ACER2: variants seen among roughly 807,000 people sequenced by gnomAD.
ACER2 encodes the protein alkaline ceramidase 2.
Under a neutral mutation model 34.7 loss-of-function variants are expected in ACER2, and 26 were observed. The ratio of observed to expected loss-of-function variants is 0.75; its 90% confidence interval spans 0.55 to 1.04. The LOEUF is 1.04. Ranked by LOEUF, ACER2 falls within the 50% of genes least tolerant of loss-of-function variation. ACER2 has a pLI of 0.00. For synonymous variants in ACER2, 138 were observed against 132.1 expected (o/e 1.04, Z -0.31); for missense variants, 352 against 340.8 (o/e 1.03, Z -0.26).
At chr9:19,420,134 T>C (rs1423971375) in intron 1 of ACER2, among the ~76,000 whole-genome samples, 1 of 152,216 alleles carries the variant, frequency 6.6e-6, no homozygotes, top group Non-Finnish European at 1.5e-5. Flanking sequence ...TAAAGCTCTT[T>C]GGCCCTGCTC....
intron 5 of ACER2, among the ~76,000 whole-genome samples, chr9:19,447,140 C>T (rs1006110711): frequency 6.6e-6 from 1 of 152,140 alleles, no homozygotes; most frequent in Non-Finnish European, 1.5e-5. Flanking sequence ...CCAGAGTGAT[C>T]TTTCCTTTCT....
chr9:19,439,707 C>T (rs1245065020), intron 4 of ACER2, among the ~76,000 whole-genome samples: 2 of 152,190 alleles, frequency 1.3e-5, no homozygotes, highest in Non-Finnish European at 2.9e-5. Context: ...GTGGCTCATG[C>T]CTGTAATCCC....
intron 3 of ACER2, among the ~76,000 whole-genome samples, chr9:19,434,098 T>G (rs1444055012): frequency 1.0e-4 from 13 of 124,556 alleles, no homozygotes; most frequent in South Asian, 2.8e-4. Flanking sequence ...CCAGACGGGG[T>G]GGCGGCCGGG....
chr9:19,446,583 T>A (rs1831372597), intron 5 of ACER2, 165 bp downstream of exon 5: 3 of 985,320 alleles, frequency 3.0e-6, no homozygotes, highest in Non-Finnish European at 3.6e-6. Context: ...AAGCACACTT[T>A]GTAAAAAGCT....
In ACER2 at chr9:19,409,072, C is replaced by G. The variant is rs567666035; in HGVS notation, c.-13C>G. Reference sequence around the variant, plus strand: ...AGCTGCGCGAGCAGCTGCTCCAATGCCCCGGAGTGGCCATGGGCGCCCCGC... The same window carrying G: ...AGCTGCGCGAGCAGCTGCTCCAATGGCCCGGAGTGGCCATGGGCGCCCCGC... On this transcript the variant is annotated 5_prime_UTR_variant, in exon 1 of 6. Transcript: ENST00000340967. 4 of 1,568,032 alleles carry G rather than the reference C, an allele frequency of 2.6e-6. No individual in the cohort carries two copies. The highest frequency in any genetic ancestry group is 1.3e-5 in the African/African-American group (1 of 74,104).
chr9:19,409,773 G>A, intron 1 of ACER2: 1 of 985,098 alleles, frequency 1.0e-6, no homozygotes, highest in Non-Finnish European at 1.2e-6. Flanking sequence ...CTTGCCTTTA[G>A]TGTCCTGTCT....
chr9:19,413,772 G>A (rs1467326002), intron 1 of ACER2, among the ~76,000 whole-genome samples: 2 of 152,134 alleles, frequency 1.3e-5, no homozygotes, highest in Admixed American at 6.6e-5. Flanking sequence ...GAATCTTGAA[G>A]CAAAATACAT....
At chr9:19,434,305 A>G (rs1174714061) in intron 3 of ACER2, among the ~76,000 whole-genome samples, 2 of 150,478 alleles carry the variant, frequency 1.3e-5, no homozygotes. Flanking sequence ...AGCCAGGCAG[A>G]GGGGCTCCTC....
chr9:19,434,865 G>A (rs1429814331), intron 3 of ACER2, 82 bp from the exon 4 acceptor site: 6 of 1,557,248 alleles, frequency 3.9e-6, no homozygotes, highest in African/African-American at 1.4e-5. Context: ...TTCTGGCAAT[G>A]CCTGTACCTT....
At chr9:19,443,674 T>C (rs1178981448) in intron 4 of ACER2, among the ~76,000 whole-genome samples, 1 of 152,176 alleles carries the variant, frequency 6.6e-6, no homozygotes, top group Non-Finnish European at 1.5e-5. Context: ...TGTTTGTTTA[T>C]TGAGATGGAG....
chr9:19,437,518 C>T (rs917519051), intron 4 of ACER2, among the ~76,000 whole-genome samples: 1 of 152,182 alleles, frequency 6.6e-6, no homozygotes, highest in Non-Finnish European at 1.5e-5. Context: ...CCAGTCTCTT[C>T]TTCCTCCAAT....
intron 1 of ACER2, among the ~76,000 whole-genome samples, chr9:19,419,914 T>G (rs1275302263): frequency 6.6e-6 from 1 of 152,184 alleles, no homozygotes; most frequent in Non-Finnish European, 1.5e-5. Context: ...CCAAGGATCT[T>G]TTTCTCCTCC....
chr9:19,434,366 G>T (rs1266195045), intron 3 of ACER2, among the ~76,000 whole-genome samples: 1 of 152,102 alleles, frequency 6.6e-6, no homozygotes, highest in African/African-American at 2.4e-5. Context: ...CTTCCCAGAC[G>T]GGGTGGCGGC....
At chr9:19,428,250 C>T (rs1238574744) in intron 3 of ACER2, among the ~76,000 whole-genome samples, 1 of 151,954 alleles carries the variant, frequency 6.6e-6, no homozygotes, top group Non-Finnish European at 1.5e-5. Flanking sequence ...TCACTGCAAC[C>T]TCTGCCTCCC....
chr9:19,433,396 C>T (rs1830824409), intron 3 of ACER2, among the ~76,000 whole-genome samples: 1 of 151,944 alleles, frequency 6.6e-6, no homozygotes, highest in African/African-American at 2.4e-5. Context: ...TTTAACAAAG[C>T]ACATCTTGCA....
At chr9:19,442,566 A>C (rs1381893830) in intron 4 of ACER2, among the ~76,000 whole-genome samples, 1 of 152,000 alleles carries the variant, frequency 6.6e-6, no homozygotes, top group Non-Finnish European at 1.5e-5. Flanking sequence ...ACTTACAGTG[A>C]CTAACGGCCG....
rs1830001518 is a variant in ACER2 at position 19,409,019 on chromosome 9, G to T, written c.-66G>T. ...TCGCCGCTGGCTGTCGCCGCGTTTT[G>T]CCTCCGCAGCAGCTCTGGGCTCTTC... On this transcript the variant is annotated 5_prime_UTR_variant, in exon 1 of 6. Transcript: ENST00000340967. The T allele has an allele frequency of 7.3e-7, 1 of 1,376,230 alleles. No individual in the cohort carries two copies. Among genetic ancestry groups the T allele is most frequent in the African/African-American group, 1.5e-5 (1 of 66,812 alleles). The allele number at this position is 1,376,230 out of a possible 1,614,324, so 85.3% of individuals were successfully genotyped here.
At chr9:19,434,046 A>C (rs1250771422) in intron 3 of ACER2, among the ~76,000 whole-genome samples, 1 of 141,732 alleles carries the variant, frequency 7.1e-6, no homozygotes, top group African/African-American at 2.8e-5. Context: ...GGGTCTCCTC[A>C]CTTCTCAGAC....
intron 1 of ACER2, among the ~76,000 whole-genome samples, chr9:19,415,757 ATCT>A (rs1830223538): frequency 6.6e-6 from 1 of 152,142 alleles, no homozygotes; most frequent in Non-Finnish European, 1.5e-5. Flanking sequence ...GGCACTAAAG[ATCT>A]TCTGGGGTAG....
Sources: gnomAD v4.1 joint callset for allele counts (sites outside exome capture counted in the v4.1 genomes callset) on GRCh38, gnomAD v4.1.1 for gene constraint, MANE v1.5 for transcripts, NCBI Gene and HGNC (gene_info 2026-07-23, HGNC 2026-07-21) for gene names.